Variants in FAM193A observed in about 807,000 individuals in gnomAD.
FAM193A encodes protein FAM193A.
FAM193A carries 22 observed loss-of-function variants against 126.5 expected under a neutral mutation model. The ratio of observed to expected loss-of-function variants is 0.17; its 90% CI spans 0.12 to 0.25. The LOEUF (loss-of-function observed/expected upper bound fraction) is 0.25, where lower values mean the gene tolerates loss of function less well. Among genes scored for constraint, FAM193A ranks in the 10% least tolerant of loss-of-function variants. The pLI, the probability that FAM193A is intolerant of heterozygous loss-of-function variation, is 1.00. For synonymous variants in FAM193A, 761 were observed against 646.8 expected (o/e 1.18, Z -2.68); for missense variants, 1,675 against 1,672.8 (o/e 1.00, Z -0.02).
chr4:2,713,989 A>G (rs539897171), intron 19 of FAM193A, among the ~76,000 whole-genome samples: 2 of 152,310 alleles, frequency 1.3e-5, no homozygotes, highest in East Asian at 3.9e-4. Context: ...TTACACCAAG[A>G]TTTTATAGAC....
intron 1 of FAM193A, among the ~76,000 whole-genome samples, chr4:2,552,032 G>A (rs1737952953): frequency 7.9e-6 from 1 of 126,332 alleles, no homozygotes; most frequent in African/African-American, 3.0e-5. Flanking sequence ...TTTTTTTCGA[G>A]ACAGAGTCTT....
intron 13 of FAM193A, among the ~76,000 whole-genome samples, chr4:2,678,228 C>T (rs1379157887): frequency 1.3e-5 from 2 of 152,164 alleles, no homozygotes; most frequent in Non-Finnish European, 2.9e-5. Context: ...TCATGATCTG[C>T]CTGCCTTGGC....
chr4:2,656,418 A>G (rs1711693031), intron 7 of FAM193A, among the ~76,000 whole-genome samples: 1 of 152,232 alleles, frequency 6.6e-6, no homozygotes, highest in African/African-American at 2.4e-5. Flanking sequence ...TCAAGAAGTT[A>G]TCCATATCGT....
intron 1 of FAM193A, among the ~76,000 whole-genome samples, chr4:2,580,194 G>A (rs1204376212): frequency 1.3e-5 from 2 of 152,136 alleles, no homozygotes; most frequent in South Asian, 4.1e-4. Context: ...ACCAGATACT[G>A]CTGGTTTTCT....
At chr4:2,728,335 A>G (rs1367643148) in intron 20 of FAM193A, among the ~76,000 whole-genome samples, 2 of 144,374 alleles carry the variant, frequency 1.4e-5, no homozygotes, top group African/African-American at 2.6e-5. Context: ...CTTCCAAAGT[A>G]CTAGGATTAC....
intron 13 of FAM193A, 39 bp downstream of exon 13, chr4:2,672,411 A>G (rs750483565): frequency 6.2e-7 from 1 of 1,609,064 alleles, no homozygotes; most frequent in Non-Finnish European, 8.5e-7. Flanking sequence ...CTCACTCTTC[A>G]CTGAGATCCT....
intron 2 of FAM193A, among the ~76,000 whole-genome samples, chr4:2,619,383 A>T (rs1410329286): frequency 2.0e-5 from 3 of 151,228 alleles, no homozygotes; most frequent in East Asian, 3.9e-4. Flanking sequence ...GCTCACTGCA[A>T]CCTCCGCCTC....
intron 2 of FAM193A, chr4:2,608,232 G>T: frequency 1.0e-6 from 1 of 967,264 alleles, no homozygotes; most frequent in South Asian, 1.6e-5. Context: ...AGTATGGAGT[G>T]CAGTGGTGCA....
chr4:2,707,675 G>C (rs898862315), intron 19 of FAM193A, among the ~76,000 whole-genome samples: 2 of 148,842 alleles, frequency 1.3e-5, no homozygotes, highest in African/African-American at 5.0e-5. Context: ...AGAATCTTTT[G>C]TGTGTGGCTC....
At chr4:2,681,479 C>G (rs1715112323) in intron 13 of FAM193A, among the ~76,000 whole-genome samples, 1 of 152,134 alleles carries the variant, frequency 6.6e-6, no homozygotes. Flanking sequence ...TGAGACAAAG[C>G]TTACTCAGTT....
intron 19 of FAM193A, among the ~76,000 whole-genome samples, chr4:2,714,875 C>T (rs1012376541): frequency 9.9e-5 from 15 of 152,138 alleles, no homozygotes; most frequent in African/African-American, 3.4e-4. Context: ...TTGTTCACAT[C>T]GATGAGGCTG....
chr4:2,723,951 C>G (rs1370535060), intron 20 of FAM193A, among the ~76,000 whole-genome samples: 1 of 152,136 alleles, frequency 6.6e-6, no homozygotes, highest in Admixed American at 6.5e-5. Flanking sequence ...CAGGCGTGCT[C>G]CACCACCCGC....
intron 14 of FAM193A, among the ~76,000 whole-genome samples, chr4:2,689,990 G>A (rs182582480): frequency 6.2e-4 from 94 of 152,346 alleles, no homozygotes; most frequent in African/African-American, 2.1e-3. Flanking sequence ...TGAGGGTCTC[G>A]TGACCACGGT....
In FAM193A at chr4:2,672,244, C is replaced by G; in HGVS notation, c.2203C>G (p.Pro735Ala). 6.2e-7 allele frequency: 1 copy of G among 1,614,194 alleles called. No individual in the cohort carries two copies. The highest frequency in any genetic ancestry group is 8.5e-7 in the Non-Finnish European group (1 of 1,180,028). The change falls in exon 13 of 21, where the codon CCC (proline) becomes GCC (alanine). Residue 735 changes from proline to alanine, a missense_variant. Around this residue, in one of 4 missense-constraint regions of FAM193A, gnomAD observed 1,186 missense variants for 1,109.2 expected, o/e 1.07. Transcript: ENST00000637812. ...PGHQFLSPEK[P>A]THPALHLYPH... ...CCATCAGTTCTTGAGCCCAGAGAAG[C>G]CCACACACCCTGCACTGCACCTTTA...
chr4:2,646,248 C>T (rs1275907035), intron 6 of FAM193A, among the ~76,000 whole-genome samples: 1 of 146,310 alleles, frequency 6.8e-6, no homozygotes, highest in Non-Finnish European at 1.5e-5. Context: ...CGGCTCACTG[C>T]AACCTCCGCC....
At chr4:2,565,438 A>G (rs775725694) in intron 1 of FAM193A, among the ~76,000 whole-genome samples, 8 of 151,704 alleles carry the variant, frequency 5.3e-5, no homozygotes, top group Non-Finnish European at 5.9e-5. Flanking sequence ...TTGTATTTTT[A>G]ATAGAGACAA....
At chr4:2,690,637 T>G in intron 14 of FAM193A, 61 bp from the exon 15 acceptor site, 1 of 1,487,908 alleles carries the variant, frequency 6.7e-7, no homozygotes, top group South Asian at 1.3e-5. Flanking sequence ...AGCATGTCTT[T>G]TAGGGTTTAG....
At chr4:2,718,502 G>A (rs539023276) in intron 20 of FAM193A, among the ~76,000 whole-genome samples, 6 of 152,184 alleles carry the variant, frequency 3.9e-5, no homozygotes, top group East Asian at 1.9e-4. Flanking sequence ...CAAGACAGGC[G>A]GATCACTTGA....
At chr4:2,731,062 G>T (rs113477975) in intron 20 of FAM193A, among the ~76,000 whole-genome samples, 1 of 152,060 alleles carries the variant, frequency 6.6e-6, no homozygotes, top group Non-Finnish European at 1.5e-5. Context: ...TGGACGTGGT[G>T]GTGGGCACCT....
Sources: gnomAD v4.1 joint callset for allele counts (sites outside exome capture counted in the v4.1 genomes callset) on GRCh38, gnomAD v4.1.1 for gene constraint, gnomAD v4.1.1 regional missense constraint, MANE v1.5 for transcripts, NCBI Gene and HGNC (gene_info 2026-07-23, HGNC 2026-07-21) for gene names.